The following CCNYL1 variants were observed in gnomAD, a reference collection of about 807,000 sequenced individuals.
The protein encoded by CCNYL1 is cyclin Y like 1, also known as cyclin-Y-like protein 1.
In CCNYL1, 16 loss-of-function variants were observed where a neutral mutation model predicts 44.2. The ratio of observed to expected loss-of-function variants is 0.36; its 90% CI spans 0.25 to 0.55. CCNYL1 has a LOEUF of 0.55. Among genes scored for constraint, CCNYL1 ranks in the 20% least tolerant of loss-of-function variants. CCNYL1 has a pLI of 0.85. For synonymous variants in CCNYL1, 159 were observed against 163.2 expected, an observed-to-expected ratio of 0.97 and a Z score of 0.20; for missense variants, 348 against 451.8, an observed-to-expected ratio of 0.77 and a Z score of 2.08.
Position 207,712,061 on chromosome 2 carries a change from C to T in CCNYL1, c.165C>T (p.Phe55=), listed in dbSNP as rs2091552845. The T allele has an allele frequency of 6.4e-7, 1 of 1,561,244 alleles. No homozygotes were observed. The highest frequency in any genetic ancestry group is 8.6e-7 in the Non-Finnish European group (1 of 1,156,640). ...PAVVEPAELD[F]GEGEGHHLQH... The stretch of plus-strand genomic sequence containing the variant: ...TGGTGGAGCCTGCCGAGTTGGATTT[C>T]GGAGAGGGCGAGGGCCACCACCTGC... The change falls in exon 1 of 10, where the codon TTC becomes TTT. Residue 55 remains phenylalanine (F), a synonymous_variant. Coordinates refer to ENST00000295414, the MANE Select transcript of CCNYL1 (RefSeq NM_001330218.2).
chr2:207,733,075 AG>A (rs1176263839), intron 3 of CCNYL1, among the ~76,000 whole-genome samples: 1 of 145,500 alleles, frequency 6.9e-6, no homozygotes, highest in Non-Finnish European at 1.5e-5. Context: ...ATGTACCAAA[AG>A]GGAAATGTTT....
intron 1 of CCNYL1, among the ~76,000 whole-genome samples, chr2:207,715,312 A>T (rs1226777016): frequency 2.0e-5 from 3 of 151,490 alleles, no homozygotes; most frequent in Admixed American, 6.6e-5. Context: ...TACAATGAAG[A>T]ATTATTTTTG....
rs998009220 is a variant in CCNYL1, at chr2:207,755,445, C to A, written c.*1747C>A. 6.6e-6 allele frequency: 1 copy of A among 152,158 alleles called. No homozygotes were observed. Among genetic ancestry groups the A allele is most frequent in the African/African-American group, 2.4e-5 (1 of 41,432 alleles). 9.4% of individuals were successfully genotyped at this position (152,158 alleles called of 1,614,324 possible). On this transcript the variant is annotated 3_prime_UTR_variant, in exon 10 of 10. Coordinates refer to ENST00000295414, the MANE Select transcript of CCNYL1 (RefSeq NM_001330218.2). The stretch of plus-strand genomic sequence containing the variant: ...AAGGTTTGTAGCATTTATATTTCTA[C>A]AAGTATCAAAGCTTAAAATTACACT...
chr2:207,714,312 C>CTTTTTT, intron 1 of CCNYL1: 20 of 309,152 alleles, frequency 6.5e-5, no homozygotes, highest in Admixed American at 9.5e-5. Context: ...ACTTACATCT[C>CTTTTTT]TTTTTTTTTT....
intron 1 of CCNYL1, chr2:207,714,585 G>A (rs1220518770): frequency 4.0e-6 from 1 of 249,698 alleles, no homozygotes; most frequent in African/African-American, 2.3e-5. Context: ...TGGTAACTGT[G>A]AATTGAAGCT....
chr2:207,741,708 T>C lies in CCNYL1; in HGVS notation c.520-515T>C, dbSNP rs186082143. 4.8e-4 allele frequency among the ~76,000 whole-genome samples: 72 copies of C among 151,418 alleles called. 1 individual carries two copies. The highest frequency in any genetic ancestry group is 3.4e-3 in the Middle Eastern group (1 of 290). On this transcript the variant is annotated intron_variant, in intron 6 of 9. Transcript: ENST00000295414. ...AAAAATACAAAAAATTAGCCGGACA[T>C]GTTGGTGCACGCCTGTAATCCCAGC... is the stretch of plus-strand genomic sequence containing the variant.
At chr2:207,717,166 T>C (rs1291578624) in intron 1 of CCNYL1, among the ~76,000 whole-genome samples, 1 of 151,906 alleles carries the variant, frequency 6.6e-6, no homozygotes, top group Non-Finnish European at 1.5e-5. Context: ...GACTTTTCCC[T>C]GGACTTTAGA....
At chr2:207,729,250 GC>G (rs1247562126) in intron 3 of CCNYL1, among the ~76,000 whole-genome samples, 6,357 of 68,118 alleles carry the variant, frequency 0.093, 230 homozygotes, top group Middle Eastern at 0.25. Flanking sequence ...ACTTGTCTCC[GC>G]CCCCCCCCGC....
At position 207,744,228 on chromosome 2, in the gene CCNYL1, T is replaced by TTGTGTGTGTG. The variant is rs61530643; in HGVS notation, c.639+1898_639+1907dup. ...AGTGCCAAGACTAGACAGGAACATTTTGTGTGTGTGTGTGTGTGTGTTCAA... is the reference window on the plus strand; with the variant it reads ...AGTGCCAAGACTAGACAGGAACATTTTGTGTGTGTGTGTGTGTGTGTGTGTGTGTGTTCAA... On this transcript the variant is annotated intron_variant, in intron 7 of 9. Coordinates refer to ENST00000295414, the MANE Select transcript of CCNYL1 (RefSeq NM_001330218.2). Among the ~76,000 whole-genome samples, 659 of 150,330 alleles carry TTGTGTGTGTG rather than the reference T, an allele frequency of 4.4e-3. 3 individuals are homozygous for TTGTGTGTGTG. The highest frequency in any genetic ancestry group is 0.016 in the East Asian group (81 of 5,060).
At chr2:207,734,671 G>A (rs2091752088) in intron 4 of CCNYL1, among the ~76,000 whole-genome samples, 1 of 152,200 alleles carries the variant, frequency 6.6e-6, no homozygotes, top group African/African-American at 2.4e-5. Flanking sequence ...ACACCGTTGG[G>A]AAGTGCTACA....
In CCNYL1 at chr2:207,711,730, G is replaced by A. The variant is rs2105812911; in HGVS notation, c.-167G>A. 7.3e-6 allele frequency: 2 copies of A among 274,452 alleles called. No homozygotes were observed. Among genetic ancestry groups the A allele is most frequent in the Non-Finnish European group, 1.3e-5 (2 of 152,852 alleles). The allele number at this position is 274,452 out of a possible 1,614,324, so 17.0% of individuals were successfully genotyped here. A position where few individuals can be genotyped will look rare whatever the true frequency, so the allele number is the denominator to read the frequency against. On this transcript the variant is annotated 5_prime_UTR_variant, in exon 1 of 10. Coordinates refer to ENST00000295414, the MANE Select transcript of CCNYL1 (RefSeq NM_001330218.2). ...CCTGCCCGGGGCCGGGCCGCGGGGC[G>A]GGCGGGCGAACCGCGGGCGAGGCGG...
At chr2:207,731,857 T>C (rs977472068) in intron 3 of CCNYL1, among the ~76,000 whole-genome samples, 3 of 147,130 alleles carry the variant, frequency 2.0e-5, no homozygotes, top group Non-Finnish European at 4.5e-5. Flanking sequence ...TCACCCAGGC[T>C]GGAGTGCAGT....
At chr2:207,746,930 G>A (rs947176962) in intron 7 of CCNYL1, 117 bp from the exon 8 acceptor site, 31 of 744,454 alleles carry the variant, frequency 4.2e-5, no homozygotes, top group Non-Finnish European at 6.0e-5. Context: ...AGCCGAGATC[G>A]CACCATTGCA....
intron 1 of CCNYL1, among the ~76,000 whole-genome samples, chr2:207,723,871 TC>T (rs1229087666): frequency 1.5e-4 from 17 of 111,586 alleles, no homozygotes; most frequent in Non-Finnish European, 2.5e-4. Context: ...TGAGACTCCA[TC>T]TCAAAAAAAA....
At chr2:207,729,289 C>G (rs1390702603) in intron 3 of CCNYL1, among the ~76,000 whole-genome samples, 2 of 123,922 alleles carry the variant, frequency 1.6e-5, no homozygotes, top group African/African-American at 3.4e-5. Context: ...CACCCCCCCG[C>G]ACTCTCCCAT....
At chr2:207,752,545 A>T (rs569273202) in intron 9 of CCNYL1, among the ~76,000 whole-genome samples, 55 of 152,098 alleles carry the variant, frequency 3.6e-4, no homozygotes, top group East Asian at 1.5e-3. Context: ...AAAAAAAAAA[A>T]AATAATAATG....
intron 9 of CCNYL1, 37 bp downstream of exon 9, chr2:207,751,156 A>G (rs1394562704): frequency 6.4e-7 from 1 of 1,558,242 alleles, no homozygotes. Context: ...GTTTTCCATC[A>G]GCCACCAAAG....
At chr2:207,747,935 A>G (rs575843971) in intron 8 of CCNYL1, among the ~76,000 whole-genome samples, 34 of 151,990 alleles carry the variant, frequency 2.2e-4, no homozygotes, top group Non-Finnish European at 4.7e-4. Flanking sequence ...TCATTCATTT[A>G]TATCTTTTCA....
chr2:207,743,916 C>T (rs1229096084), intron 7 of CCNYL1, among the ~76,000 whole-genome samples: 1 of 151,998 alleles, frequency 6.6e-6, no homozygotes, highest in Non-Finnish European at 1.5e-5. Context: ...GGTGATCCTG[C>T]CAGAGTGTTG....
Sources: allele counts gnomAD v4.1 joint callset (sites outside exome capture counted in the v4.1 genomes callset), GRCh38; gene constraint gnomAD v4.1.1; transcripts MANE v1.5; gene names NCBI Gene and HGNC (gene_info 2026-07-23, HGNC 2026-07-21).